The following KCNJ12 variants were observed in gnomAD, a reference collection of about 807,000 sequenced individuals.
KCNJ12 encodes the protein potassium inwardly rectifying channel subfamily J member 12.
KCNJ12 carries 2 observed loss-of-function variants against 22.3 expected under a neutral mutation model. The ratio of observed to expected loss-of-function variants is 0.09; its 90% CI spans 0.04 to 0.28. KCNJ12 has a LOEUF of 0.28. Among genes scored for constraint, KCNJ12 ranks in the 10% least tolerant of loss-of-function variants. The pLI, the probability that KCNJ12 is intolerant of heterozygous loss-of-function variation, is 1.00. For missense variants in KCNJ12, 155 were observed against 633.3 expected (o/e 0.24, Z 8.11); for synonymous variants, 117 against 261.4 (o/e 0.45, Z 5.33).
intron 2 of KCNJ12, among the ~76,000 whole-genome samples, chr17:21,409,215 G>A (rs1906170016): frequency 6.6e-6 from 1 of 152,312 alleles, no homozygotes; most frequent in Admixed American, 6.5e-5. Context: ...CCCAGTGCTA[G>A]AGGATCCTAA....
chr17:21,409,967 G>T (rs1363416088), intron 2 of KCNJ12, among the ~76,000 whole-genome samples: 1 of 152,144 alleles, frequency 6.6e-6, no homozygotes, highest in Non-Finnish European at 1.5e-5. Context: ...AAAGGGGATT[G>T]GGTGTAAGAG....
Position 21,397,281 on chromosome 17 carries a change from T to C in KCNJ12, c.-178-11238T>C, listed in dbSNP as rs547845895. ...AGTGAGGCAGTCAAGGTAACATCCC[T>C]GTAGCTGCGATCACAGCTCCTGCTG... On this transcript the variant is annotated intron_variant, in intron 1 of 2. Transcript: ENST00000583088. Among the ~76,000 whole-genome samples, 6 of 152,314 alleles carry C rather than the reference T, an allele frequency of 3.9e-5. No individual in the cohort carries two copies. In the East Asian group the frequency reaches 1.2e-3, roughly 29 times the overall value.
chr17:21,406,300 C>T (rs1657713), intron 1 of KCNJ12, among the ~76,000 whole-genome samples: 2 of 152,284 alleles, frequency 1.3e-5, no homozygotes, highest in African/African-American at 4.8e-5. Flanking sequence ...CAGTGTTGGC[C>T]CACTCGGGGA....
chr17:21,412,515 C>T (rs1906418859), intron 2 of KCNJ12, among the ~76,000 whole-genome samples: 1 of 152,302 alleles, frequency 6.6e-6, no homozygotes, highest in African/African-American at 2.4e-5. Flanking sequence ...CACACAAATC[C>T]AGCCCCTGTC....
rs571784218 is a variant in KCNJ12 at position 21,391,560 on chromosome 17, A to G, written c.-179+14647A>G. The stretch of plus-strand genomic sequence containing the variant: ...TTGTCTGAACCTGTGCTCTCTGGGA[A>G]CAACTGCCTTGCGGCGCTCCGCCCA... On this transcript the variant is annotated intron_variant, in intron 1 of 2. Transcript: ENST00000583088. Among the ~76,000 whole-genome samples the G allele has an allele frequency of 5.9e-5, 9 of 152,328 alleles. No individual in the cohort carries two copies. In the South Asian group the frequency reaches 1.7e-3, roughly 28 times the overall value.
intron 1 of KCNJ12, among the ~76,000 whole-genome samples, chr17:21,383,069 G>A (rs1904933742): frequency 6.6e-6 from 1 of 152,180 alleles, no homozygotes; most frequent in South Asian, 2.1e-4. Context: ...GACTTGGCAG[G>A]GGAGGGGCCG....
At chr17:21,397,300 C>T (rs1905398936) in intron 1 of KCNJ12, among the ~76,000 whole-genome samples, 1 of 152,196 alleles carries the variant, frequency 6.6e-6, no homozygotes, top group East Asian at 1.9e-4. Context: ...GATCACAGCT[C>T]CTGCTGCAGG....
intron 1 of KCNJ12, among the ~76,000 whole-genome samples, chr17:21,395,633 A>G (rs1363474530): frequency 2.0e-5 from 3 of 151,182 alleles, no homozygotes; most frequent in Non-Finnish European, 4.4e-5. Context: ...GGACGTGATG[A>G]TAACAGGGAT....
At chr17:21,413,778 T>G (rs1401789365) in intron 2 of KCNJ12, among the ~76,000 whole-genome samples, 10 of 152,304 alleles carry the variant, frequency 6.6e-5, no homozygotes, top group Non-Finnish European at 1.0e-4. Flanking sequence ...CTGGCTGGCA[T>G]GGATGCCCTG....
At chr17:21,394,558 CATT>C (rs1307844956) in intron 1 of KCNJ12, among the ~76,000 whole-genome samples, 5 of 152,220 alleles carry the variant, frequency 3.3e-5, no homozygotes, top group African/African-American at 1.2e-4. Flanking sequence ...CCTAAGCTCT[CATT>C]ATAGATTACT....
chr17:21,404,484 C>CA (rs1252604179), intron 1 of KCNJ12, among the ~76,000 whole-genome samples: 4 of 152,248 alleles, frequency 2.6e-5, no homozygotes, highest in Admixed American at 2.0e-4. Flanking sequence ...GGCAGGCGCC[C>CA]AATGCTTCCT....
At chr17:21,381,233 GC>G (rs143795452) in intron 1 of KCNJ12, among the ~76,000 whole-genome samples, 1 of 152,210 alleles carries the variant, frequency 6.6e-6, no homozygotes, top group African/African-American at 2.4e-5. Flanking sequence ...TCCCTCTCCT[GC>G]CCTCACCTGC....
chr17:21,387,315 G>T (rs1326744826), intron 1 of KCNJ12, among the ~76,000 whole-genome samples: 15 of 128,510 alleles, frequency 1.2e-4, no homozygotes, highest in African/African-American at 4.5e-4. Flanking sequence ...GGTGGCAGGC[G>T]CCTGTAGTCC....
intron 1 of KCNJ12, among the ~76,000 whole-genome samples, chr17:21,392,202 C>T (rs1329419388): frequency 3.9e-5 from 6 of 152,212 alleles, no homozygotes; most frequent in African/African-American, 1.4e-4. Flanking sequence ...GCCCTACCCT[C>T]TGCACACAGC....
intron 1 of KCNJ12, among the ~76,000 whole-genome samples, chr17:21,407,574 CCCATCCAT>C (rs61143113): frequency 6.8e-6 from 1 of 147,540 alleles, no homozygotes; most frequent in African/African-American, 2.5e-5. Flanking sequence ...CCACCCATTA[CCCATCCAT>C]CCATCCACCC....
chr17:21,388,959 A>G (rs552067104), intron 1 of KCNJ12, among the ~76,000 whole-genome samples: 1 of 152,294 alleles, frequency 6.6e-6, no homozygotes, highest in East Asian at 1.9e-4. Flanking sequence ...AGCGCTGGGC[A>G]TGAACTTGGG....
rs1433996893 is a variant in KCNJ12, at chr17:21,416,930, T to C, written c.*286T>C. On this transcript the variant is annotated 3_prime_UTR_variant, in exon 3 of 3. Transcript: ENST00000583088. ...CAGGGCTTCTGCCTGAAGATGGAGC[T>C]GCAGCCTGCGGGGAAGCAGCTCAGC... 3 of 522,728 alleles carry C rather than the reference T, an allele frequency of 5.7e-6. No homozygotes were observed. Among genetic ancestry groups the C allele is most frequent in the Non-Finnish European group, 1.0e-5 (3 of 292,904 alleles). The allele number at this position is 522,728 out of a possible 1,614,324, so 32.4% of individuals were successfully genotyped here.
rs565397196 is a variant in KCNJ12 at position 21,387,219 on chromosome 17, G to C, written c.-179+10306G>C. Among the ~76,000 whole-genome samples the C allele has an allele frequency of 2.0e-5, 3 of 152,054 alleles. No homozygotes were observed. The East Asian group carries it at 5.8e-4, about 29-fold the overall frequency. ...CCATTTTGGGAGGCCGAGGTGGGCA[G>C]ATCACGAGGTCAGGAGATCGAGACC... On this transcript the variant is annotated intron_variant, in intron 1 of 2. Coordinates refer to ENST00000583088, the MANE Select transcript of KCNJ12 (RefSeq NM_021012.5).
intron 1 of KCNJ12, among the ~76,000 whole-genome samples, chr17:21,404,496 T>C (rs1213358018): frequency 1.3e-5 from 2 of 152,252 alleles, no homozygotes; most frequent in Non-Finnish European, 2.9e-5. Flanking sequence ...ATGCTTCCTC[T>C]TCAAGTCCTC....
Sources: gnomAD v4.1 joint callset for allele counts (sites outside exome capture counted in the v4.1 genomes callset) on GRCh38, gnomAD v4.1.1 for gene constraint, MANE v1.5 for transcripts, NCBI Gene and HGNC (gene_info 2026-07-23, HGNC 2026-07-21) for gene names.